ACAD11: variants seen among roughly 807,000 people sequenced by gnomAD.
ACAD11 encodes acyl-Coenzyme A dehydrogenase family, member 11.
ACAD11 carries 83 observed loss-of-function variants against 102.2 expected under a neutral mutation model. The observed-to-expected ratio is 0.81, with a 90% CI of 0.68 to 0.97. ACAD11 has a LOEUF of 0.97. ACAD11 is among the 50% of genes least tolerant of loss of function. The pLI, the probability that ACAD11 is intolerant of heterozygous loss-of-function variation, is 0.00. For missense variants in ACAD11, 901 were observed against 951.7 expected, an observed-to-expected ratio of 0.95 and a Z score of 0.70; for synonymous variants, 324 against 319.8, an observed-to-expected ratio of 1.01 and a Z score of -0.14.
At chr3:132,603,657 A>G (rs1447375632) in intron 12 of ACAD11, among the ~76,000 whole-genome samples, 1 of 152,216 alleles carries the variant, frequency 6.6e-6, no homozygotes, top group Non-Finnish European at 1.5e-5. Flanking sequence ...ACTTCTCACA[A>G]TGGAGATATG....
At chr3:132,632,086 AT>A (rs67471074) in intron 5 of ACAD11, among the ~76,000 whole-genome samples, 51,359 of 141,540 alleles carry the variant, frequency 0.36, 10,991 homozygotes, top group East Asian at 0.68. Context: ...ATATATATGT[AT>A]TTTTTTTTTT....
chr3:132,611,978 T>C (rs1430765511), intron 11 of ACAD11, among the ~76,000 whole-genome samples: 1 of 151,928 alleles, frequency 6.6e-6, no homozygotes, highest in Non-Finnish European at 1.5e-5. Context: ...CAAACTACAC[T>C]ACAAGGCTAC....
intron 11 of ACAD11, among the ~76,000 whole-genome samples, chr3:132,613,991 C>G (rs1406184172): frequency 1.3e-5 from 2 of 152,066 alleles, no homozygotes; most frequent in African/African-American, 4.8e-5. Flanking sequence ...GATACAAAAT[C>G]AATGTGCAAA....
At chr3:132,586,535 C>T (rs76567370) in intron 13 of ACAD11, among the ~76,000 whole-genome samples, 1 of 152,026 alleles carries the variant, frequency 6.6e-6, no homozygotes, top group Admixed American at 6.6e-5. Context: ...AGATGTCCCA[C>T]TGCAATCAGA....
Position 132,626,802 on chromosome 3 carries a change from T to C in ACAD11, c.1086A>G (p.Val362=). Residue 362 remains valine, a synonymous_variant, in exon 9 of 20, where the codon GTA becomes GTG. Transcript: ENST00000264990. ...GTCCAGTAGTATCAATCTGTGGTAG[T>C]ACAGTACTGAAAGTTCTTTGCCAAA... is the stretch of plus-strand genomic sequence containing the variant. The part of the protein sequence containing the change: ...LQLSKRTFST[V]LPQIDTTGQL... 1 of 1,611,924 alleles carries C rather than the reference T, an allele frequency of 6.2e-7. No homozygotes were observed. The highest frequency in any genetic ancestry group is 1.1e-5 in the South Asian group (1 of 90,366).
chr3:132,657,866 C>CTT (rs56190801), intron 1 of ACAD11, among the ~76,000 whole-genome samples: 1,263 of 119,100 alleles, frequency 0.011, 31 homozygotes, highest in African/African-American at 0.034. Context: ...ACACATATTC[C>CTT]TTTTTTTTTT....
chr3:132,635,005 G>T (rs554447088), intron 5 of ACAD11, among the ~76,000 whole-genome samples: 10 of 150,722 alleles, frequency 6.6e-5, no homozygotes, highest in Non-Finnish European at 1.0e-4. Flanking sequence ...GTATACATAC[G>T]TAACAAACCT....
rs753888009 is a variant in ACAD11, at chr3:132,659,644, A to G, written c.108T>C (p.Phe36=). Residue 36 remains phenylalanine, a synonymous_variant, in exon 1 of 20, where the codon TTT becomes TTC. Transcript: ENST00000264990. ...EAYLNQHLSG[F]GAEREATLTI... is the part of the protein sequence containing the mutation. ...TCAGCGTAGCCTCACGTTCGGCCCCAAAGCCAGACAAGTGCTGGTTTAGGT... is the reference window on the plus strand; with the variant it reads ...TCAGCGTAGCCTCACGTTCGGCCCCGAAGCCAGACAAGTGCTGGTTTAGGT... The G allele has an allele frequency of 4.3e-6, 7 of 1,611,396 alleles. No individual in the cohort carries two copies. Among genetic ancestry groups the G allele is most frequent in the Non-Finnish European group, 5.1e-6 (6 of 1,178,830 alleles).
chr3:132,568,772 C>T (rs937758029), intron 17 of ACAD11, among the ~76,000 whole-genome samples: 2 of 113,976 alleles, frequency 1.8e-5, no homozygotes, highest in Non-Finnish European at 3.4e-5. Context: ...TTTCAAAAAA[C>T]GTTGCTGAAG....
chr3:132,622,956 C>A (rs1023890372), intron 9 of ACAD11, among the ~76,000 whole-genome samples: 3 of 152,176 alleles, frequency 2.0e-5, no homozygotes, highest in Non-Finnish European at 4.4e-5. Context: ...ATTAATGTTA[C>A]CATTATGTTA....
intron 11 of ACAD11, among the ~76,000 whole-genome samples, chr3:132,611,398 A>G (rs1939136629): frequency 6.6e-6 from 1 of 152,160 alleles, no homozygotes; most frequent in South Asian, 2.1e-4. Context: ...AGAAGGAAAT[A>G]AAGGGCATTC....
At chr3:132,626,647 G>C (rs1439274348) in intron 9 of ACAD11, 44 bp downstream of exon 9, 7 of 1,605,938 alleles carry the variant, frequency 4.4e-6, no homozygotes, top group Middle Eastern at 1.7e-4. Context: ...AGTATTCATT[G>C]ATAGTCCTTT....
chr3:132,650,740 C>T (rs750283025), intron 1 of ACAD11, among the ~76,000 whole-genome samples: 59 of 152,114 alleles, frequency 3.9e-4, no homozygotes, highest in Non-Finnish European at 4.3e-4. Context: ...CAATACATAC[C>T]TACAACTTCC....
intron 18 of ACAD11, among the ~76,000 whole-genome samples, chr3:132,560,149 T>C (rs1478857483): frequency 1.3e-5 from 2 of 152,142 alleles, no homozygotes; most frequent in Non-Finnish European, 2.9e-5. Context: ...CCAAATCACA[T>C]TTTATCCATT....
chr3:132,561,655 A>G (rs1162968397), intron 17 of ACAD11, among the ~76,000 whole-genome samples: 1 of 152,220 alleles, frequency 6.6e-6, no homozygotes, highest in African/African-American at 2.4e-5. Context: ...GTGTGGGGAC[A>G]GTTCAGCAGC....
At chr3:132,615,353 C>T (rs1939362880) in intron 11 of ACAD11, among the ~76,000 whole-genome samples, 1 of 152,146 alleles carries the variant, frequency 6.6e-6, no homozygotes, top group African/African-American at 2.4e-5. Context: ...ATAAATCATT[C>T]TACTATAAAG....
intron 11 of ACAD11, among the ~76,000 whole-genome samples, chr3:132,616,007 T>A (rs546376704): frequency 6.6e-6 from 1 of 152,290 alleles, no homozygotes; most frequent in South Asian, 2.1e-4. Context: ...GAGTAGAAAT[T>A]CATCTTTTAT....
chr3:132,619,318 T>C, intron 10 of ACAD11, 150 bp downstream of exon 10: 1 of 525,508 alleles, frequency 1.9e-6, no homozygotes, highest in Non-Finnish European at 3.3e-6. Flanking sequence ...ATTTGTATGT[T>C]ATAGATTCTA....
intron 9 of ACAD11, 75 bp from the exon 10 acceptor site, chr3:132,619,620 T>A (rs952105505): frequency 2.6e-6 from 2 of 775,490 alleles, no homozygotes; most frequent in African/African-American, 3.6e-5. Flanking sequence ...ACTGCTAATA[T>A]CTAAAATAAA....
Sources: allele counts gnomAD v4.1 joint callset (sites outside exome capture counted in the v4.1 genomes callset), GRCh38; gene constraint gnomAD v4.1.1; transcripts MANE v1.5; gene names NCBI Gene and HGNC (gene_info 2026-07-23, HGNC 2026-07-21).